MED12L: variants seen among roughly 807,000 people sequenced by gnomAD.
MED12L encodes mediator of RNA polymerase II transcription subunit 12-like protein.
In MED12L, 60 loss-of-function variants were observed where a neutral mutation model predicts 281.3. The ratio of observed to expected loss-of-function variants is 0.21; its 90% CI spans 0.17 to 0.26. The LOEUF (loss-of-function observed/expected upper bound fraction) is 0.26. Among genes scored for constraint, MED12L ranks in the 10% least tolerant of loss-of-function variants. MED12L has a pLI of 1.00. For missense variants in MED12L, 2,146 were observed against 2,680.9 expected (o/e 0.80, Z 4.41); for synonymous variants, 974 against 987.2 (o/e 0.99, Z 0.25).
chr3:151,188,648 G>A (rs1723573336), intron 13 of MED12L, among the ~76,000 whole-genome samples, 168 bp downstream of exon 13: 1 of 152,044 alleles, frequency 6.6e-6, no homozygotes, highest in South Asian at 2.1e-4. Context: ...AGACTTTTAG[G>A]CAATTTTAAA....
intron 34 of MED12L, 81 bp from the exon 35 acceptor site, chr3:151,384,002 T>C: frequency 4.0e-6 from 6 of 1,518,482 alleles, no homozygotes; most frequent in Non-Finnish European, 5.4e-6. Flanking sequence ...TTAAAAATTC[T>C]GTGCCTTGAA....
chr3:151,405,086 A>C (rs1461217045), intron 39 of MED12L, among the ~76,000 whole-genome samples: 1 of 152,266 alleles, frequency 6.6e-6, no homozygotes, highest in Non-Finnish European at 1.5e-5. Flanking sequence ...TAAAAAATAC[A>C]GCAGTAAGAG....
chr3:151,193,830 A>G, intron 16 of MED12L, 164 bp downstream of exon 16: 1 of 549,528 alleles, frequency 1.8e-6, no homozygotes. Flanking sequence ...AAGCTTATGT[A>G]CTGAGGTTGT....
intron 31 of MED12L, among the ~76,000 whole-genome samples, 190 bp from the exon 32 acceptor site, chr3:151,379,923 G>A (rs958595560): frequency 7.9e-5 from 12 of 152,152 alleles, no homozygotes; most frequent in Non-Finnish European, 1.2e-4. Context: ...TAGAGCATAC[G>A]AAGTGATTTA....
intron 16 of MED12L, among the ~76,000 whole-genome samples, chr3:151,346,328 A>G (rs1351469218): frequency 6.6e-6 from 1 of 152,158 alleles, no homozygotes; most frequent in Non-Finnish European, 1.5e-5. Context: ...TATTTGAAAG[A>G]TAGGTCTGAA....
At position 151,411,094 on chromosome 3, in the gene MED12L, G is replaced by T. The variant is rs145481899; in HGVS notation, c.5911-184G>T. 1.5e-3 allele frequency among the ~76,000 whole-genome samples: 223 copies of T among 152,174 alleles called. 2 individuals carry two copies. Among genetic ancestry groups the T allele is most frequent in the African/African-American group, 4.9e-3 (204 of 41,512 alleles). On this transcript the variant is annotated intron_variant, in intron 40 of 44. Coordinates refer to ENST00000687756, the MANE Select transcript of MED12L (RefSeq NM_001393769.1). ...CATTACACAGCCAGATCATTCTGTG[G>T]CTTTTCTGACCATATTCCCTGCATC...
intron 16 of MED12L, among the ~76,000 whole-genome samples, chr3:151,334,266 A>G (rs992255017): frequency 2.8e-5 from 4 of 142,004 alleles, no homozygotes; most frequent in African/African-American, 1.1e-4. Context: ...TTAAAAAAAA[A>G]AGGCGATTTC....
chr3:151,381,623 C>T (rs1712363062), intron 32 of MED12L, among the ~76,000 whole-genome samples: 1 of 152,196 alleles, frequency 6.6e-6, no homozygotes, highest in South Asian at 2.1e-4. Context: ...AAGATGTTAC[C>T]TCCTTCGGGA....
chr3:151,250,120 G>T (rs1251309975), intron 16 of MED12L, among the ~76,000 whole-genome samples: 1 of 152,216 alleles, frequency 6.6e-6, no homozygotes, highest in East Asian at 1.9e-4. Flanking sequence ...TGCGTTTGCT[G>T]TCTCCACTTT....
At chr3:151,407,933 T>G (rs1716518452) in intron 39 of MED12L, among the ~76,000 whole-genome samples, 1 of 152,246 alleles carries the variant, frequency 6.6e-6, no homozygotes, top group South Asian at 2.1e-4. Context: ...GGTATCTCAT[T>G]AATAAGGCTT....
chr3:151,139,079 T>C (rs1716560525), intron 5 of MED12L, among the ~76,000 whole-genome samples: 1 of 152,228 alleles, frequency 6.6e-6, no homozygotes, highest in African/African-American at 2.4e-5. Context: ...GATTCATAGA[T>C]GTTTACTTCA....
intron 33 of MED12L, 38 bp from the exon 34 acceptor site, chr3:151,383,741 T>C: frequency 7.2e-7 from 1 of 1,383,152 alleles, no homozygotes; most frequent in Non-Finnish European, 1.0e-6. Flanking sequence ...CTTTCTGTTT[T>C]ACAGAATGCA....
chr3:151,227,260 A>G (rs935155230), intron 16 of MED12L, among the ~76,000 whole-genome samples: 4 of 152,212 alleles, frequency 2.6e-5, no homozygotes, highest in African/African-American at 9.7e-5. Context: ...TGAATTGCAG[A>G]TACCCAAGAA....
chr3:151,146,064 T>C (rs577152733), intron 5 of MED12L, among the ~76,000 whole-genome samples: 1 of 152,290 alleles, frequency 6.6e-6, no homozygotes, highest in Admixed American at 6.5e-5. Flanking sequence ...CCAAACTCCA[T>C]AGCTTGCCAC....
At chr3:151,307,074 A>G (rs552226054) in intron 16 of MED12L, among the ~76,000 whole-genome samples, 81 of 152,294 alleles carry the variant, frequency 5.3e-4, no homozygotes, top group African/African-American at 1.9e-3. Context: ...TGGTAAAGAG[A>G]TAGTCTTCAC....
intron 16 of MED12L, chr3:151,198,410 AC>A (rs1724999765): frequency 1.3e-6 from 2 of 1,567,802 alleles, no homozygotes; most frequent in Middle Eastern, 1.7e-4. Flanking sequence ...AATTGGTAGC[AC>A]AAAAAATCCT....
chr3:151,165,797 C>G lies in MED12L; in HGVS notation c.1358-49C>G, dbSNP rs372063882. 12 of 1,576,932 alleles carry G rather than the reference C, an allele frequency of 7.6e-6. No individual in the cohort carries two copies. In the African/African-American group the frequency reaches 1.4e-4, roughly 18 times the overall value. On this transcript the variant is annotated intron_variant, in intron 10 of 44. Coordinates refer to ENST00000687756, the MANE Select transcript of MED12L (RefSeq NM_001393769.1). ...ATGGTGATTTTGTACTGTGTTATAA[C>G]TGTGTTATTTTTGGCCTCATTAACC...
chr3:151,117,400 C>CATTCTTTCT (rs1712989940), intron 3 of MED12L, among the ~76,000 whole-genome samples: 1 of 152,092 alleles, frequency 6.6e-6, no homozygotes, highest in Non-Finnish European at 1.5e-5. Context: ...ACTGGAGTGT[C>CATTCTTTCT]ATTCTTTCTA....
chr3:151,143,670 T>C (rs976842761), intron 5 of MED12L, among the ~76,000 whole-genome samples: 7 of 152,258 alleles, frequency 4.6e-5, no homozygotes, highest in Non-Finnish European at 8.8e-5. Context: ...ATGTCTCCTC[T>C]TCTCCCTTCT....
Sources: gnomAD v4.1 joint callset for allele counts (sites outside exome capture counted in the v4.1 genomes callset) on GRCh38, gnomAD v4.1.1 for gene constraint, MANE v1.5 for transcripts, NCBI Gene and HGNC (gene_info 2026-07-23, HGNC 2026-07-21) for gene names.